The following MRE11 variants were observed in gnomAD, a reference collection of about 807,000 sequenced individuals.
The protein encoded by MRE11 is MRE11 double strand break repair nuclease.
In MRE11, 62 loss-of-function variants were observed where a neutral mutation model predicts 91.7. The observed-to-expected ratio is 0.68, with a 90% CI of 0.55 to 0.84. The LOEUF is 0.84. Ranked by LOEUF, MRE11 falls within the 40% of genes least tolerant of loss-of-function variation. The pLI is 0.00. For missense variants in MRE11, 796 were observed against 852.9 expected (o/e 0.93, Z 0.83); for synonymous variants, 273 against 271.4 (o/e 1.01, Z -0.06).
chr11:94,492,662 T>G (rs922711405), intron 2 of MRE11, 120 bp downstream of exon 2: 1 of 1,440,638 alleles, frequency 6.9e-7, no homozygotes, highest in Non-Finnish European at 9.7e-7. Flanking sequence ...GACTAATATT[T>G]CTGTTCATAA....
At chr11:94,457,484 T>C (rs1295424217) in intron 13 of MRE11, among the ~76,000 whole-genome samples, 5 of 152,148 alleles carry the variant, frequency 3.3e-5, no homozygotes, top group Non-Finnish European at 5.9e-5. Context: ...GCATGTTTGT[T>C]ATGATTCAGT....
At chr11:94,488,806 A>G (rs1565240741) in intron 3 of MRE11, among the ~76,000 whole-genome samples, 1 of 152,128 alleles carries the variant, frequency 6.6e-6, no homozygotes, top group Non-Finnish European at 1.5e-5. Flanking sequence ...AGATGATAGG[A>G]GGAGGGAGAG....
In MRE11 at chr11:94,490,815, A is replaced by T. The variant is rs771191581; in HGVS notation, c.153+18T>A. ...AAGGGAATATGGTAGATAGTGCACA[A>T]ATACAAACCACACTCACTTCATTTT... is the stretch of plus-strand genomic sequence containing the variant. On this transcript the variant is annotated intron_variant, in intron 3 of 19. Coordinates refer to ENST00000323929, the MANE Select transcript of MRE11 (RefSeq NM_005591.4). The T allele has an allele frequency of 1.2e-6, 2 of 1,613,400 alleles. No homozygotes were observed. The highest frequency in any genetic ancestry group is 1.7e-6 in the Non-Finnish European group (2 of 1,179,566).
At chr11:94,506,274 A>G in the MRE11 span, among the ~76,000 whole-genome samples, 17 of 152,154 alleles carry the variant, frequency 1.1e-4, no homozygotes, top group Admixed American at 3.3e-4. Context: ...AACTCCTGCA[A>G]CATGTAATTT....
chr11:94,430,255 G>A (rs951218773), intron 18 of MRE11, among the ~76,000 whole-genome samples: 5 of 152,100 alleles, frequency 3.3e-5, no homozygotes, highest in South Asian at 2.1e-4. Flanking sequence ...TCTGTAAAAC[G>A]GGGATAATGG....
At chr11:94,441,795 A>G (rs1267000707) in intron 16 of MRE11, among the ~76,000 whole-genome samples, 3 of 151,890 alleles carry the variant, frequency 2.0e-5, no homozygotes, top group Non-Finnish European at 2.9e-5. Context: ...TAGCCAACAC[A>G]GTAAAACCGT....
intron 11 of MRE11, among the ~76,000 whole-genome samples, chr11:94,463,642 G>A (rs1203607989): frequency 2.0e-5 from 3 of 152,152 alleles, no homozygotes; most frequent in South Asian, 2.1e-4. Flanking sequence ...GGACATGGAT[G>A]AAGGTGGAAA....
At chr11:94,441,233 T>C (rs1020405966) in intron 16 of MRE11, among the ~76,000 whole-genome samples, 1 of 152,210 alleles carries the variant, frequency 6.6e-6, no homozygotes, top group Admixed American at 6.5e-5. Context: ...AAAGTCACTT[T>C]CTTTATACCA....
chr11:94,501,267 A>G, the MRE11 span, among the ~76,000 whole-genome samples: 1 of 152,204 alleles, frequency 6.6e-6, no homozygotes, highest in South Asian at 2.1e-4. Flanking sequence ...GAAATGATCT[A>G]AATCAGTGCC....
At chr11:94,467,767 A>C in intron 10 of MRE11, 46 bp downstream of exon 10, 2 of 1,474,690 alleles carry the variant, frequency 1.4e-6, no homozygotes, top group Non-Finnish European at 1.9e-6. Flanking sequence ...GTACATTACT[A>C]TGCTTTGAAA....
At position 94,428,474 on chromosome 11, in the gene MRE11, C is replaced by T. The variant is rs898728058; in HGVS notation, c.2070+1437G>A. On this transcript the variant is annotated intron_variant, in intron 19 of 19. Transcript: ENST00000323929. ...AGAAAATACCCTTCTCAACACTGGC[C>T]TTGGCAAATAATTTTTGGCTAAGTC... Among the ~76,000 whole-genome samples, 4 of 152,122 alleles carry T rather than the reference C, an allele frequency of 2.6e-5. No homozygotes were observed. The South Asian group carries it at 8.3e-4, about 32-fold the overall frequency.
At chr11:94,493,990 C>G (rs1339170206), upstream of MRE11, 1 of 152,344 alleles carries the variant, frequency 6.6e-6, no homozygotes, top group Admixed American at 6.5e-5. Flanking sequence ...GGCTAGGAGA[C>G]GAACCCGGAA....
At chr11:94,429,727 T>C (rs965651460) in intron 19 of MRE11, among the ~76,000 whole-genome samples, 184 bp downstream of exon 19, 4 of 152,122 alleles carry the variant, frequency 2.6e-5, no homozygotes, top group African/African-American at 9.7e-5. Flanking sequence ...ACCTGGGTGA[T>C]GGGATCTGTA....
rs564511708 is a variant in MRE11 at position 94,459,416 on chromosome 11, C to T, written c.1492G>A (p.Asp498Asn). Residue 498 changes from aspartate to asparagine, a missense_variant, in exon 13 of 20, where the codon GAT (aspartate) becomes AAT (asparagine). Asp to Asn is a conservative substitution (Grantham distance 23, BLOSUM62 1). Transcript: ENST00000323929. Reference protein sequence around the residue: ...RHIDALEDKIDEEVRRFRETR... With the variant: ...RHIDALEDKINEEVRRFRETR... ...TCAAATTAGTTACTTACCTCCTCATCGATTTTGTCTTCGAGGGCATCAATA... is the reference window on the plus strand; with the variant it reads ...TCAAATTAGTTACTTACCTCCTCATTGATTTTGTCTTCGAGGGCATCAATA... The T allele has an allele frequency of 1.9e-6, 3 of 1,613,874 alleles. No individual in the cohort carries two copies. The highest frequency in any genetic ancestry group is 1.3e-5 in the African/African-American group (1 of 75,038).
intron 5 of MRE11, 68 bp from the exon 6 acceptor site, chr11:94,478,944 C>A: frequency 6.6e-7 from 1 of 1,525,546 alleles, no homozygotes; most frequent in Admixed American, 1.7e-5. Context: ...AATATCGTAT[C>A]ACCTGTTAAA....
chr11:94,506,186 G>GT, the MRE11 span, among the ~76,000 whole-genome samples: 2,034 of 147,950 alleles, frequency 0.014, 28 homozygotes, highest in African/African-American at 0.037. Flanking sequence ...TTCATTTTCA[G>GT]TTTTTTTTTT....
chr11:94,498,364 C>G, upstream of MRE11: 3 of 1,613,408 alleles, frequency 1.9e-6, no homozygotes, highest in Non-Finnish European at 1.7e-6. Context: ...CTGCTGGGAA[C>G]AGAGACAGCA....
rs1368512413 is a variant in MRE11, at chr11:94,417,821, C to G, written c.*2304G>C. The G allele has an allele frequency of 8.6e-6, 2 of 232,944 alleles. No homozygotes were observed. The highest frequency in any genetic ancestry group is 1.7e-5 in the Non-Finnish European group (2 of 117,962). The allele number at this position is 232,944 out of a possible 1,614,324, so 14.4% of individuals were successfully genotyped here. A position where few individuals can be genotyped will look rare whatever the true frequency, so the allele number is the denominator to read the frequency against. ...CATACCTGAATTAAAGGTCACATTC[C>G]TAAATGCTTGAATTTTCTAAGCACC... is the stretch of plus-strand genomic sequence containing the variant. On this transcript the variant is annotated 3_prime_UTR_variant, in exon 20 of 20. Coordinates refer to ENST00000323929, the MANE Select transcript of MRE11 (RefSeq NM_005591.4).
At chr11:94,459,835 G>A (rs1416874025) in intron 12 of MRE11, among the ~76,000 whole-genome samples, 1 of 152,126 alleles carries the variant, frequency 6.6e-6, no homozygotes, top group African/African-American at 2.4e-5. Context: ...GATTAATAGA[G>A]ATGAAATTAA....
Sources: allele counts gnomAD v4.1 joint callset (sites outside exome capture counted in the v4.1 genomes callset), GRCh38; gene constraint gnomAD v4.1.1; transcripts MANE v1.5; gene names NCBI Gene and HGNC (gene_info 2026-07-23, HGNC 2026-07-21).